SDK2: variants seen among roughly 807,000 people sequenced by gnomAD.
SDK2 encodes the protein protein sidekick-2.
SDK2 carries 105 observed loss-of-function variants against 253.9 expected under a neutral mutation model. The ratio of observed to expected loss-of-function variants is 0.41; its 90% CI spans 0.35 to 0.49. The LOEUF (loss-of-function observed/expected upper bound fraction) is 0.49. Ranked by LOEUF, SDK2 falls within the 20% of genes least tolerant of loss-of-function variation. The pLI is 0.06. For synonymous variants in SDK2, 1,249 were observed against 1,234.9 expected (o/e 1.01, Z -0.24); for missense variants, 2,608 against 3,003.0 (o/e 0.87, Z 3.07).
At chr17:73,393,242 C>CAA (rs11443969) in intron 27 of SDK2, among the ~76,000 whole-genome samples, 7,404 of 84,864 alleles carry the variant, frequency 0.087, 469 homozygotes, top group Middle Eastern at 0.13. Context: ...GATACTCTAT[C>CAA]AAAAAAAAAA....
chr17:73,414,851 T>C lies in SDK2; in HGVS notation c.2369-92A>G, dbSNP rs1316908386. On this transcript the variant is annotated intron_variant, in intron 17 of 44. Transcript: ENST00000392650. The stretch of plus-strand genomic sequence containing the variant: ...AGAGAAAACGCAGGGGTGGGGGCTA[T>C]AGCCTCTGCCTTGCACCCCCCTACC... 12 of 775,892 alleles carry C rather than the reference T, an allele frequency of 1.5e-5. No individual in the cohort carries two copies. In the East Asian group the frequency reaches 1.8e-4, roughly 12 times the overall value. The allele number at this position is 775,892 out of a possible 1,614,324, so 48.1% of individuals were successfully genotyped here.
rs1401377926 is a variant in SDK2, at chr17:73,415,868, T to C, written c.2311A>G (p.Asn771Asp). Residue 771 changes from asparagine (N) to aspartate (D), a missense_variant, in exon 17 of 45, where the codon AAC becomes GAC. Asn to Asp is a conservative substitution (Grantham distance 23, BLOSUM62 1). Transcript: ENST00000392650. ...TNYEIEVAAY[N>D]SAGLGVYSSK... ...CTGTAGACCCCCAGCCCAGCGCTGT[T>C]GTAAGCAGCCACCTCGATCTCGTAG... is the stretch of plus-strand genomic sequence containing the variant. The C allele has an allele frequency of 6.3e-7, 1 of 1,575,364 alleles. No homozygotes were observed. Among genetic ancestry groups the C allele is most frequent in the Admixed American group, 1.9e-5 (1 of 53,208 alleles).
At chr17:73,555,519 G>A (rs566693675) in intron 1 of SDK2, among the ~76,000 whole-genome samples, 30 of 152,334 alleles carry the variant, frequency 2.0e-4, no homozygotes, top group Admixed American at 1.8e-3. Flanking sequence ...ACTGTGGTCA[G>A]GCCTCTCTGC....
At chr17:73,589,403 G>C (rs1004172657) in intron 1 of SDK2, among the ~76,000 whole-genome samples, 2 of 152,236 alleles carry the variant, frequency 1.3e-5, no homozygotes, top group Non-Finnish European at 2.9e-5. Context: ...GAGGTGTGGG[G>C]CAGATTTGCA....
In SDK2 at chr17:73,350,651, CGAGTCT is replaced by C; in HGVS notation, c.5892_5897del (p.Asp1965_Ser1966del). 1 of 1,609,452 alleles carries C rather than the reference CGAGTCT, an allele frequency of 6.2e-7. No individual in the cohort carries two copies. The highest frequency in any genetic ancestry group is 1.3e-5 in the African/African-American group (1 of 74,638). On this transcript the variant is annotated inframe_deletion and splice_region_variant, in exon 42 of 45. Transcript: ENST00000392650. ...CATGGCTGGTGCCAGCTCACTCACCCGAGTCTGTCTTCTTGGCGTACTTCTTGCTCT... is the reference window on the plus strand; with the variant it reads ...CATGGCTGGTGCCAGCTCACTCACCCGTCTTCTTGGCGTACTTCTTGCTCT...
At chr17:73,471,238 C>A (rs1178880525) in intron 3 of SDK2, among the ~76,000 whole-genome samples, 3 of 152,154 alleles carry the variant, frequency 2.0e-5, no homozygotes, top group East Asian at 1.9e-4. Flanking sequence ...CCTCCCAGCA[C>A]CCCCGGAAGA....
chr17:73,515,778 G>T (rs1599639888), intron 1 of SDK2, among the ~76,000 whole-genome samples: 1 of 152,184 alleles, frequency 6.6e-6, no homozygotes, highest in Admixed American at 6.5e-5. Flanking sequence ...AGATAAATTG[G>T]GTTTACATCC....
At chr17:73,448,278 G>A (rs573067894) in intron 4 of SDK2, among the ~76,000 whole-genome samples, 1 of 152,292 alleles carries the variant, frequency 6.6e-6, no homozygotes, top group Admixed American at 6.5e-5. Context: ...ATCTGTTCAG[G>A]ATTGATGGAC....
At position 73,612,419 on chromosome 17, in the gene SDK2, AG is replaced by A. The variant is rs1198109695; in HGVS notation, c.64+31605del. 6.6e-6 allele frequency among the ~76,000 whole-genome samples: 1 copy of A among 152,138 alleles called. No individual in the cohort carries two copies. Among genetic ancestry groups the A allele is most frequent in the African/African-American group, 2.4e-5 (1 of 41,434 alleles). Reference sequence around the variant, plus strand: ...TGTGGCCCAGCTGCACCTAGGCTGCAGGCTGGCCTCCCAAGGTCCCCTACCC... The same window carrying A: ...TGTGGCCCAGCTGCACCTAGGCTGCAGCTGGCCTCCCAAGGTCCCCTACCC... On this transcript the variant is annotated intron_variant, in intron 1 of 44. Coordinates refer to ENST00000392650, the MANE Select transcript of SDK2 (RefSeq NM_001144952.2). This position sits in a 1 kb window ranked among gnomAD's most constrained non-coding sequence, Gnocchi z 4.4.
chr17:73,455,699 C>G lies in SDK2; in HGVS notation c.479+207G>C, dbSNP rs985483430. On this transcript the variant is annotated intron_variant, in intron 4 of 44. Coordinates refer to ENST00000392650, the MANE Select transcript of SDK2 (RefSeq NM_001144952.2). The surrounding 1 kb of genome is among the most constrained non-coding windows in gnomAD (Gnocchi z 5.0). Reference sequence around the variant, plus strand: ...CCCTGGGATTCCCCAGGAAGGGGACCGGGCATGGGTTTCATGGTCCCAAGT... The same window carrying G: ...CCCTGGGATTCCCCAGGAAGGGGACGGGGCATGGGTTTCATGGTCCCAAGT... Among the ~76,000 whole-genome samples the G allele has an allele frequency of 2.6e-5, 4 of 152,286 alleles. No individual in the cohort carries two copies. The highest frequency in any genetic ancestry group is 2.1e-4 in the South Asian group (1 of 4,826).
At chr17:73,561,998 C>T (rs529244250) in intron 1 of SDK2, among the ~76,000 whole-genome samples, 24 of 152,154 alleles carry the variant, frequency 1.6e-4, no homozygotes, top group African/African-American at 5.8e-4. Flanking sequence ...TGGTGGTGTG[C>T]GCCTGTAATC....
intron 36 of SDK2, among the ~76,000 whole-genome samples, chr17:73,374,365 C>T (rs1462805705): frequency 1.4e-5 from 2 of 144,576 alleles, no homozygotes; most frequent in African/African-American, 5.5e-5. Flanking sequence ...ATTTCCCTAG[C>T]CTCCTCCTTC....
intron 5 of SDK2, among the ~76,000 whole-genome samples, chr17:73,444,585 C>T (rs2145638348): frequency 6.6e-6 from 1 of 152,352 alleles, no homozygotes; most frequent in African/African-American, 2.4e-5. Flanking sequence ...GATCCATCCT[C>T]CCTGAATCAC....
Position 73,391,563 on chromosome 17 carries a change from C to G in SDK2, c.3899-25G>C, listed in dbSNP as rs542764573. On this transcript the variant is annotated intron_variant, in intron 27 of 44. Transcript: ENST00000392650. ...ACTGGAGGGGGCAAAGGAGAGGAGGCCGACCCATGAGGCTGCCGCTCAGCT... is the reference window on the plus strand; with the variant it reads ...ACTGGAGGGGGCAAAGGAGAGGAGGGCGACCCATGAGGCTGCCGCTCAGCT... 9.2e-5 allele frequency: 113 copies of G among 1,227,310 alleles called. No homozygotes were observed. The African/African-American group carries it at 1.7e-3, about 18-fold the overall frequency. The allele number at this position is 1,227,310 out of a possible 1,614,324, so 76.0% of individuals were successfully genotyped here.
chr17:73,355,175 T>TATATATATATATA (rs1555750470), intron 40 of SDK2, among the ~76,000 whole-genome samples: 78 of 15,652 alleles, frequency 5.0e-3, no homozygotes, highest in African/African-American at 0.011. Context: ...TATATATATA[T>TATATATATATATA]TTTTTTTTTT....
chr17:73,510,249 C>T (rs1402957896), intron 1 of SDK2, among the ~76,000 whole-genome samples: 1 of 152,168 alleles, frequency 6.6e-6, no homozygotes, highest in Admixed American at 6.5e-5. Context: ...ATGTGGGGCC[C>T]AAGTCAGCTG....
chr17:73,479,556 C>G (rs1203213635), intron 2 of SDK2, among the ~76,000 whole-genome samples: 2 of 152,078 alleles, frequency 1.3e-5, no homozygotes, highest in Non-Finnish European at 2.9e-5. Context: ...AGAACATGTA[C>G]CAGGTAATAA....
intron 5 of SDK2, among the ~76,000 whole-genome samples, chr17:73,442,749 G>A (rs2063425373): frequency 1.3e-5 from 2 of 151,688 alleles, no homozygotes; most frequent in South Asian, 4.1e-4. Context: ...TGGATCTAGA[G>A]TTACCATCAT....
intron 24 of SDK2, among the ~76,000 whole-genome samples, chr17:73,396,181 C>A (rs1310463887): frequency 1.3e-5 from 2 of 152,224 alleles, no homozygotes; most frequent in Admixed American, 1.3e-4. Context: ...CCAGCCTCCT[C>A]CTTCTTGTTT....
Sources: gnomAD v4.1 joint callset for allele counts (sites outside exome capture counted in the v4.1 genomes callset) on GRCh38, gnomAD v4.1.1 for gene constraint, Gnocchi (gnomAD v3.1) non-coding constraint, MANE v1.5 for transcripts, NCBI Gene and HGNC (gene_info 2026-07-23, HGNC 2026-07-21) for gene names.